The following WASHC5 variants were observed in gnomAD, a reference collection of about 807,000 sequenced individuals.
WASHC5 encodes the protein WASH complex subunit strumpellin.
WASHC5 carries 101 observed loss-of-function variants against 150.4 expected under a neutral mutation model. The ratio of observed to expected loss-of-function variants is 0.67; its 90% CI spans 0.57 to 0.79. WASHC5 has a LOEUF of 0.79. WASHC5 is among the 30% of genes least tolerant of loss of function. The pLI, the probability that WASHC5 is intolerant of heterozygous loss-of-function variation, is 0.00. For missense variants in WASHC5, 1,195 were observed against 1,396.3 expected (o/e 0.86, Z 2.30); for synonymous variants, 467 against 491.2 (o/e 0.95, Z 0.65).
At chr8:125,024,719 A>T (rs1161189527) in intron 28 of WASHC5, 46 bp from the exon 29 acceptor site, 19 of 1,321,624 alleles carry the variant, frequency 1.4e-5, no homozygotes, top group Non-Finnish European at 2.2e-6. Flanking sequence ...ATAGTTGAAC[A>T]ATTACAAAAT....
intron 6 of WASHC5, among the ~76,000 whole-genome samples, chr8:125,077,264 G>A (rs1027838395): frequency 6.6e-6 from 1 of 152,358 alleles, no homozygotes; most frequent in African/African-American, 2.4e-5. Context: ...AGCGGCTGGG[G>A]CTGGGAACCG....
At chr8:125,044,452 AG>A (rs1815995123) in intron 21 of WASHC5, 83 bp downstream of exon 21, 1 of 1,420,936 alleles carries the variant, frequency 7.0e-7, no homozygotes, top group Non-Finnish European at 1.0e-6. Flanking sequence ...AGAAAGGTTA[AG>A]TGAGTTCAAA....
chr8:125,039,050 C>A, intron 24 of WASHC5, 91 bp from the exon 25 acceptor site: 5 of 1,320,706 alleles, frequency 3.8e-6, no homozygotes, highest in South Asian at 2.4e-5. Context: ...TCTTTTCAAG[C>A]CTCAGTTTCC....
At chr8:125,061,421 G>A (rs1816591224) in intron 11 of WASHC5, among the ~76,000 whole-genome samples, 1 of 152,150 alleles carries the variant, frequency 6.6e-6, no homozygotes, top group South Asian at 2.1e-4. Flanking sequence ...AATACTAAAG[G>A]CTCAAGTGCA....
chr8:125,060,200 G>A (rs1309771739), intron 12 of WASHC5, among the ~76,000 whole-genome samples: 2 of 152,120 alleles, frequency 1.3e-5, no homozygotes, highest in Non-Finnish European at 2.9e-5. Flanking sequence ...TTAAATAATA[G>A]AGTTGGCCGG....
At position 125,032,338 on chromosome 8, in the gene WASHC5, G is replaced by A. The variant is rs1268975789; in HGVS notation, c.3238C>T (p.Leu1080=). ...TGGAACTGCTTCAGCAGAGTGAGCAGTCCCAGGACAAGTGGTGGCCAATCA... is the reference window on the plus strand; with the variant it reads ...TGGAACTGCTTCAGCAGAGTGAGCAATCCCAGGACAAGTGGTGGCCAATCA... ...PVDWPPLVLG[L]LTLLKQFHSR... is the part of the protein sequence containing the mutation. Residue 1080 remains leucine (L), a synonymous_variant, in exon 27 of 29, where the codon CTG becomes TTG. Transcript: ENST00000318410. The A allele has an allele frequency of 6.2e-7, 1 of 1,614,192 alleles. No individual in the cohort carries two copies.
At chr8:125,026,987 T>A (rs1189552441) in intron 28 of WASHC5, among the ~76,000 whole-genome samples, 2 of 152,192 alleles carry the variant, frequency 1.3e-5, no homozygotes, top group Non-Finnish European at 2.9e-5. Context: ...AGGACCCTCA[T>A]TCAGAAACAT....
intron 14 of WASHC5, among the ~76,000 whole-genome samples, chr8:125,058,044 TG>T: frequency 6.6e-6 from 1 of 151,876 alleles, no homozygotes; most frequent in East Asian, 1.9e-4. Flanking sequence ...GAGCTACTCC[TG>T]TGTGGAAATC....
At position 125,057,579 on chromosome 8, in the gene WASHC5, C is replaced by T. The variant is rs1200114729; in HGVS notation, c.1852G>A (p.Glu618Lys). Residue 618 changes from glutamate (E) to lysine (K), a missense_variant, in exon 15 of 29, where the codon GAG (glutamate) becomes AAG (lysine). By Grantham distance (56) the Glu-to-Lys change is moderately conservative (BLOSUM62 1). Transcript: ENST00000318410. ...LLSVSQYYSG[E>K]LVSYVRKVLQ... Reference sequence around the variant, plus strand: ...ACTTTTCTCACATAGGATACCAACTCTCCAGAATAGTACTGTGACACGCTG... The same window carrying T: ...ACTTTTCTCACATAGGATACCAACTTTCCAGAATAGTACTGTGACACGCTG... 2 of 1,611,096 alleles carry T rather than the reference C, an allele frequency of 1.2e-6. No homozygotes were observed. The highest frequency in any genetic ancestry group is 1.7e-6 in the Non-Finnish European group (2 of 1,177,434).
intron 17 of WASHC5, among the ~76,000 whole-genome samples, chr8:125,054,778 C>T (rs1816357278): frequency 2.6e-5 from 4 of 150,962 alleles, no homozygotes; most frequent in Admixed American, 2.0e-4. Flanking sequence ...GAGATTGCAC[C>T]ACTGCACTCT....
At chr8:125,049,887 T>C (rs977964372) in intron 18 of WASHC5, among the ~76,000 whole-genome samples, 2 of 151,940 alleles carry the variant, frequency 1.3e-5, no homozygotes, top group Admixed American at 6.6e-5. Context: ...ACCACAGTCA[T>C]AGTTTAAGAT....
At chr8:125,091,071 C>T (rs930535706) in intron 1 of WASHC5, among the ~76,000 whole-genome samples, 1 of 151,856 alleles carries the variant, frequency 6.6e-6, no homozygotes, top group Non-Finnish European at 1.5e-5. Context: ...GACTTTTTTT[C>T]TTTCTCCTGT....
chr8:125,073,382 C>A, intron 8 of WASHC5, 58 bp from the exon 9 acceptor site: 1 of 1,404,298 alleles, frequency 7.1e-7, no homozygotes, highest in South Asian at 1.2e-5. Context: ...GAAAATAAAT[C>A]ACATTCAAAT....
intron 17 of WASHC5, among the ~76,000 whole-genome samples, chr8:125,054,605 G>A (rs112309798): frequency 0.077 from 11,625 of 151,698 alleles, 1,487 homozygotes; most frequent in African/African-American, 0.26. Flanking sequence ...AGGCCGAGGC[G>A]GGCGGGTCAC....
At chr8:125,032,447 T>G (rs1815570463) in intron 26 of WASHC5, 53 bp from the exon 27 acceptor site, 2 of 1,590,010 alleles carry the variant, frequency 1.3e-6, no homozygotes, top group Admixed American at 1.7e-5. Context: ...TCAGCAACAT[T>G]CATTAAATAC....
chr8:125,059,694 A>T, intron 12 of WASHC5, 152 bp from the exon 13 acceptor site: 1 of 649,302 alleles, frequency 1.5e-6, no homozygotes. Context: ...AACGTGAGCC[A>T]AGCTATTAAA....
At chr8:125,058,236 A>C (rs1473034039) in intron 14 of WASHC5, among the ~76,000 whole-genome samples, 11 of 152,080 alleles carry the variant, frequency 7.2e-5, no homozygotes, top group Non-Finnish European at 2.9e-5. Context: ...CCAGTTACAG[A>C]AATGTTAAAA....
At position 125,078,829 on chromosome 8, in the gene WASHC5, T is replaced by G. The variant is rs1030337804; in HGVS notation, c.620A>C (p.Tyr207Ser). The change falls in exon 6 of 29, where the codon TAT (tyrosine) becomes TCT (serine). Residue 207 changes from tyrosine (Y) to serine (S), a missense_variant. Physicochemically the swap from Tyr to Ser is moderately radical, Grantham distance 144. Coordinates refer to ENST00000318410, the MANE Select transcript of WASHC5 (RefSeq NM_014846.4). ...CACTCTCTGGAAATAGCTCTCGGGA[T>G]AGTTGGATGGTCTTTTGGCACCTGG... ...SQPGAKRPSN[Y>S]PESYFQRVPI... 6.2e-7 allele frequency: 1 copy of G among 1,613,834 alleles called. No homozygotes were observed. Among genetic ancestry groups the G allele is most frequent in the Non-Finnish European group, 8.5e-7 (1 of 1,179,918 alleles).
chr8:125,066,153 G>A (rs1286779977), intron 10 of WASHC5, among the ~76,000 whole-genome samples: 11 of 152,090 alleles, frequency 7.2e-5, no homozygotes, highest in Non-Finnish European at 2.9e-5. Flanking sequence ...GCTATTCAGA[G>A]GGAAACCATT....
Sources: gnomAD v4.1 joint callset for allele counts (sites outside exome capture counted in the v4.1 genomes callset) on GRCh38, gnomAD v4.1.1 for gene constraint, MANE v1.5 for transcripts, NCBI Gene and HGNC (gene_info 2026-07-23, HGNC 2026-07-21) for gene names.